CELF2: variants seen among roughly 807,000 people sequenced by gnomAD.
The protein encoded by CELF2 is CUG triplet repeat RNA-binding protein 2.
CELF2 carries 8 observed loss-of-function variants against 62.6 expected under a neutral mutation model. The observed-to-expected ratio is 0.13, with a 90% CI of 0.07 to 0.23. CELF2 has a LOEUF of 0.23. CELF2 is among the 10% of genes least tolerant of loss of function. The pLI, the probability that CELF2 is intolerant of heterozygous loss-of-function variation, is 1.00. For missense variants in CELF2, 333 were observed against 671.0 expected, an observed-to-expected ratio of 0.50 and a Z score of 5.56; for synonymous variants, 258 against 250.0, an observed-to-expected ratio of 1.03 and a Z score of -0.30.
At chr10:10,539,505 C>T in the CELF2 span, among the ~76,000 whole-genome samples, 19 of 133,130 alleles carry the variant, frequency 1.4e-4, no homozygotes, top group South Asian at 1.1e-3. Flanking sequence ...TAGATTTTCA[C>T]CCATCAGTAA....
At chr10:10,757,536 A>G in the CELF2 span, among the ~76,000 whole-genome samples, 6 of 152,158 alleles carry the variant, frequency 3.9e-5, no homozygotes, top group Non-Finnish European at 7.4e-5. Context: ...ATGCACACAC[A>G]TGTATGTATG....
intron 1 of CELF2, among the ~76,000 whole-genome samples, chr10:11,045,330 C>T (rs976577666): frequency 4.6e-5 from 7 of 152,106 alleles, no homozygotes; most frequent in African/African-American, 7.2e-5. Context: ...CTAGAACTCC[C>T]GGCCTCAAGC....
At chr10:10,574,042 A>G in the CELF2 span, among the ~76,000 whole-genome samples, 1 of 152,210 alleles carries the variant, frequency 6.6e-6, no homozygotes, top group Non-Finnish European at 1.5e-5. Flanking sequence ...AGAGGACCTC[A>G]GAAATTTTGT....
At chr10:10,496,844 T>A in the CELF2 span, among the ~76,000 whole-genome samples, 1 of 151,742 alleles carries the variant, frequency 6.6e-6, no homozygotes, top group African/African-American at 2.4e-5. Flanking sequence ...GGGTCAATAA[T>A]GAAGGGAAGG....
In CELF2 at chr10:11,220,344, C is replaced by A. The variant is rs535474669; in HGVS notation, c.354+2837C>A. Among the ~76,000 whole-genome samples, 4 of 152,288 alleles carry A rather than the reference C, an allele frequency of 2.6e-5. No individual in the cohort carries two copies. The East Asian group carries it at 7.7e-4, about 29-fold the overall frequency. On this transcript the variant is annotated intron_variant, in intron 3 of 12. Transcript: ENST00000633077. The surrounding 1 kb of genome is among the most constrained non-coding windows in gnomAD (Gnocchi z 4.4). ...TGGAGTTTGCTTTCCTCTGTATGCGCCATCTTTCTTTCTTGAGGGACACAA... is the reference window on the plus strand; with the variant it reads ...TGGAGTTTGCTTTCCTCTGTATGCGACATCTTTCTTTCTTGAGGGACACAA...
At chr10:10,841,430 A>G (rs2058678700) in intron 1 of CELF2, among the ~76,000 whole-genome samples, 1 of 151,568 alleles carries the variant, frequency 6.6e-6, no homozygotes, top group East Asian at 1.9e-4. Context: ...ATCTGAGTTA[A>G]TTTTATGGAA....
chr10:11,294,160 T>C (rs1182347653), intron 9 of CELF2, among the ~76,000 whole-genome samples: 1 of 152,248 alleles, frequency 6.6e-6, no homozygotes, highest in Non-Finnish European at 1.5e-5. Flanking sequence ...TGTCACGATA[T>C]AGAATAAGTA....
At chr10:10,695,817 C>A in the CELF2 span, among the ~76,000 whole-genome samples, 1 of 151,946 alleles carries the variant, frequency 6.6e-6, no homozygotes, top group African/African-American at 2.4e-5. Flanking sequence ...GAGGCTTCTG[C>A]ATTCTTCACG....
At chr10:11,126,986 T>G (rs1403727902) in intron 1 of CELF2, among the ~76,000 whole-genome samples, 1 of 152,110 alleles carries the variant, frequency 6.6e-6, no homozygotes, top group Non-Finnish European at 1.5e-5. Context: ...CATGTTCGTT[T>G]GCTGCACCCA....
At chr10:10,701,895 A>T in the CELF2 span, among the ~76,000 whole-genome samples, 1 of 152,216 alleles carries the variant, frequency 6.6e-6, no homozygotes, top group Admixed American at 6.5e-5. Flanking sequence ...AATACTGTAC[A>T]AATGAATTAG....
intron 1 of CELF2, among the ~76,000 whole-genome samples, chr10:11,048,487 C>T (rs1363234194): frequency 6.6e-6 from 1 of 152,204 alleles, no homozygotes. Flanking sequence ...TTATTTGTGA[C>T]AGTAAATGTT....
At chr10:10,516,534 T>G in the CELF2 span, among the ~76,000 whole-genome samples, 1 of 152,126 alleles carries the variant, frequency 6.6e-6, no homozygotes, top group African/African-American at 2.4e-5. Flanking sequence ...TACAGTCAAT[T>G]CGGCAGCACA....
the CELF2 span, among the ~76,000 whole-genome samples, chr10:10,684,702 T>C: frequency 9.2e-3 from 1,394 of 152,212 alleles, 23 homozygotes; most frequent in African/African-American, 0.032. Flanking sequence ...CGAGATTACA[T>C]GACTGTGCTC....
chr10:11,260,047 G>A lies in CELF2; in HGVS notation c.538+2175G>A, dbSNP rs1190439703. ...ATAGCGAAATCTATAATGGCTTAGG[G>A]GCCAGTGACCCCAAGTTCCAGACCC... is the stretch of plus-strand genomic sequence containing the variant. On this transcript the variant is annotated intron_variant, in intron 5 of 12. Coordinates refer to ENST00000633077, the MANE Select transcript of CELF2 (RefSeq NM_001326342.2). This position sits in a 1 kb window ranked among gnomAD's most constrained non-coding sequence, Gnocchi z 4.2. Among the ~76,000 whole-genome samples the A allele has an allele frequency of 6.6e-6, 1 of 152,134 alleles. No individual in the cohort carries two copies. Among genetic ancestry groups the A allele is most frequent in the Non-Finnish European group, 1.5e-5 (1 of 68,022 alleles).
At chr10:10,998,594 G>C (rs1005891179) in intron 2 of CELF2, among the ~76,000 whole-genome samples, 5 of 152,136 alleles carry the variant, frequency 3.3e-5, no homozygotes, top group Admixed American at 3.3e-4. Context: ...GATAGAACTC[G>C]TAAGAGTAAC....
intron 1 of CELF2, among the ~76,000 whole-genome samples, chr10:10,865,998 A>T (rs1252776704): frequency 6.6e-6 from 1 of 151,996 alleles, no homozygotes; most frequent in Admixed American, 6.5e-5. Flanking sequence ...AGCAGAAGGG[A>T]GGTGCGTGTG....
At chr10:10,540,286 G>A in the CELF2 span, among the ~76,000 whole-genome samples, 2 of 152,140 alleles carry the variant, frequency 1.3e-5, no homozygotes, top group Non-Finnish European at 2.9e-5. Flanking sequence ...GAACAGGTTC[G>A]ACTGAGCATG....
At chr10:10,743,558 T>C in the CELF2 span, among the ~76,000 whole-genome samples, 1 of 152,218 alleles carries the variant, frequency 6.6e-6, no homozygotes, top group Non-Finnish European at 1.5e-5. Flanking sequence ...AACTTATGAG[T>C]GCAAGAACAT....
At chr10:11,276,764 G>C (rs2138986233) in intron 8 of CELF2, among the ~76,000 whole-genome samples, 1 of 152,316 alleles carries the variant, frequency 6.6e-6, no homozygotes, top group South Asian at 2.1e-4. Flanking sequence ...GCTGTCCCGG[G>C]TGGACAGCGT....
Sources: allele counts gnomAD v4.1 joint callset (sites outside exome capture counted in the v4.1 genomes callset), GRCh38; gene constraint gnomAD v4.1.1; non-coding constraint Gnocchi (gnomAD v3.1); transcripts MANE v1.5; gene names NCBI Gene and HGNC (gene_info 2026-07-23, HGNC 2026-07-21).